SYF2: variants seen among roughly 807,000 people sequenced by gnomAD.
SYF2 encodes the protein SYF2 pre-mRNA splicing factor, also known as pre-mRNA-splicing factor SYF2.
A neutral mutation model predicts 32.7 loss-of-function variants in SYF2; 21 were observed. That is an observed-to-expected ratio of 0.64 (90% CI 0.45 to 0.92). The LOEUF (loss-of-function observed/expected upper bound fraction) is 0.92, where lower values mean the gene tolerates loss of function less well. Among genes scored for constraint, SYF2 ranks in the 40% least tolerant of loss-of-function variants. The pLI is 0.00. For synonymous variants in SYF2, 114 were observed against 103.9 expected, an observed-to-expected ratio of 1.10 and a Z score of -0.59; for missense variants, 278 against 296.5, an observed-to-expected ratio of 0.94 and a Z score of 0.46.
At chr1:25,228,967 A>C (rs1389918203) in intron 3 of SYF2, 31 bp downstream of exon 3, 1 of 1,602,650 alleles carries the variant, frequency 6.2e-7, no homozygotes, top group South Asian at 1.1e-5. Context: ...TGATTGACTA[A>C]ATCACTTATG....
At chr1:25,228,271 G>A in intron 3 of SYF2, 36 bp from the exon 4 acceptor site, 1 of 1,469,152 alleles carries the variant, frequency 6.8e-7, no homozygotes, top group South Asian at 1.2e-5. Context: ...CTACAATTAT[G>A]ATACATGCAA....
Position 25,232,437 on chromosome 1 carries a change from A to G in SYF2, c.24+7T>C. ...AAAACCCCCGGTGTACGGTGGGTGG[A>G]ACTCACCTCGGATGCAGCTATAGCC... On this transcript the variant is annotated splice_region_variant and intron_variant, in intron 1 of 6. Coordinates refer to ENST00000236273, the MANE Select transcript of SYF2 (RefSeq NM_015484.5). 1 of 1,614,114 alleles carries G rather than the reference A, an allele frequency of 6.2e-7. No individual in the cohort carries two copies. Among genetic ancestry groups the G allele is most frequent in the East Asian group, 2.2e-5 (1 of 44,886 alleles).
intron 3 of SYF2, among the ~76,000 whole-genome samples, chr1:25,228,792 C>T (rs75154482): frequency 0.012 from 1,808 of 152,300 alleles, 35 homozygotes; most frequent in African/African-American, 0.041. Context: ...ATTATTGTTA[C>T]AGTCCCTGTT....
At chr1:25,228,309 G>A in intron 3 of SYF2, 74 bp from the exon 4 acceptor site, 1 of 1,238,574 alleles carries the variant, frequency 8.1e-7, no homozygotes, top group Non-Finnish European at 1.2e-6. Flanking sequence ...CATCAAGAAA[G>A]ATCCAATAAA....
At chr1:25,229,918 A>T (rs977320077) in intron 2 of SYF2, among the ~76,000 whole-genome samples, 3 of 152,102 alleles carry the variant, frequency 2.0e-5, no homozygotes, top group Admixed American at 6.6e-5. Context: ...TGGGGTTCAA[A>T]CAATTCTCAT....
At chr1:25,223,564 TTCA>T in intron 6 of SYF2, 133 bp from the exon 7 acceptor site, 1 of 817,940 alleles carries the variant, frequency 1.2e-6, no homozygotes, top group East Asian at 2.5e-5. Context: ...CAGGAGAGTT[TTCA>T]TCAAGTTAAA....
At chr1:25,232,305 T>C in intron 1 of SYF2, 94 bp from the exon 2 acceptor site, 1 of 1,583,008 alleles carries the variant, frequency 6.3e-7, no homozygotes, top group Non-Finnish European at 8.6e-7. Flanking sequence ...AGGCTGGGCC[T>C]AGGGCCTCCA....
intron 5 of SYF2, 77 bp downstream of exon 5, chr1:25,227,365 G>T: frequency 8.6e-7 from 1 of 1,164,432 alleles, no homozygotes; most frequent in East Asian, 2.4e-5. Flanking sequence ...ATTAAAGCAT[G>T]TTTCTATTTA....
chr1:25,227,545 A>G lies in SYF2; in HGVS notation c.377-13T>C, dbSNP rs1557470275. The G allele has an allele frequency of 1.2e-5, 20 of 1,608,254 alleles. No homozygotes were observed. The highest frequency in any genetic ancestry group is 1.6e-5 in the Non-Finnish European group (19 of 1,177,190). ...GCAGCAGCATAATCTAAAAATATAA[A>G]ATGAGAATCAGCGATAATATATTTC... is the stretch of plus-strand genomic sequence containing the variant. On this transcript the variant is annotated splice_polypyrimidine_tract_variant and intron_variant, in intron 4 of 6. Coordinates refer to ENST00000236273, the MANE Select transcript of SYF2 (RefSeq NM_015484.5).
intron 2 of SYF2, among the ~76,000 whole-genome samples, chr1:25,230,104 C>CTGTA (rs1222882361): frequency 1.3e-5 from 2 of 152,144 alleles, no homozygotes; most frequent in African/African-American, 4.8e-5. Context: ...AGGCATGTGC[C>CTGTA]ACCACACCAG....
At chr1:25,227,128 C>T (rs967531697) in intron 5 of SYF2, among the ~76,000 whole-genome samples, 2 of 152,004 alleles carry the variant, frequency 1.3e-5, no homozygotes, top group African/African-American at 4.8e-5. Flanking sequence ...GCTAAAACTA[C>T]AAAAATTAGT....
At chr1:25,232,320 C>A (rs1638650666) in intron 1 of SYF2, 109 bp from the exon 2 acceptor site, 4 of 1,587,038 alleles carry the variant, frequency 2.5e-6, no homozygotes, top group Admixed American at 3.5e-5. Context: ...CCTCCACCGC[C>A]GACTTGACCC....
At chr1:25,223,966 G>A (rs766750434) in intron 6 of SYF2, among the ~76,000 whole-genome samples, 2 of 152,198 alleles carry the variant, frequency 1.3e-5, no homozygotes, top group African/African-American at 2.4e-5. Context: ...GGCCAAGGCA[G>A]GTAGATCACC....
chr1:25,223,098 C>A lies in SYF2; in HGVS notation c.*168G>T. The stretch of plus-strand genomic sequence containing the variant: ...CCAAGCACAAAAATGTGGAAATATA[C>A]ATGAAAGGATATACGTTTAAGAAAC... On this transcript the variant is annotated 3_prime_UTR_variant, in exon 7 of 7. Transcript: ENST00000236273. The A allele has an allele frequency of 1.8e-6, 1 of 551,082 alleles. No homozygotes were observed. The allele number at this position is 551,082 out of a possible 1,614,324, so 34.1% of individuals were successfully genotyped here. A position where few individuals can be genotyped will look rare whatever the true frequency, so the allele number is the denominator to read the frequency against.
intron 3 of SYF2, 69 bp downstream of exon 3, chr1:25,228,929 C>A (rs1638571150): frequency 6.5e-7 from 1 of 1,541,586 alleles, no homozygotes; most frequent in South Asian, 1.2e-5. Context: ...ATACAACCAC[C>A]ATGTTGTAGT....
At chr1:25,223,784 G>A (rs1223699239) in intron 6 of SYF2, among the ~76,000 whole-genome samples, 4 of 152,076 alleles carry the variant, frequency 2.6e-5, no homozygotes, top group Non-Finnish European at 5.9e-5. Flanking sequence ...AAGGTCCTCT[G>A]GGAGGATCAC....
chr1:25,232,060 C>A, intron 2 of SYF2, 44 bp downstream of exon 2: 1 of 1,587,854 alleles, frequency 6.3e-7, no homozygotes. Flanking sequence ...AGCGCACAGG[C>A]TTGGCCAGAT....
intron 4 of SYF2, 38 bp downstream of exon 4, chr1:25,228,080 C>T (rs764197755): frequency 4.0e-6 from 6 of 1,498,702 alleles, no homozygotes; most frequent in Non-Finnish European, 3.7e-6. Context: ...AAATGACTAA[C>T]AGCCCAGTCA....
At chr1:25,232,381 C>T (rs976233470) in intron 1 of SYF2, 63 bp downstream of exon 1, 7 of 1,613,668 alleles carry the variant, frequency 4.3e-6, no homozygotes, top group African/African-American at 1.3e-5. Flanking sequence ...CTCCACCTCT[C>T]TCCAGGCCGC....
Sources: gnomAD v4.1 joint callset for allele counts (sites outside exome capture counted in the v4.1 genomes callset) on GRCh38, gnomAD v4.1.1 for gene constraint, MANE v1.5 for transcripts, NCBI Gene and HGNC (gene_info 2026-07-23, HGNC 2026-07-21) for gene names.